Variants in KCNT2 observed in about 807,000 individuals in gnomAD.
KCNT2 encodes the protein potassium channel subfamily T member 2.
KCNT2 carries 67 observed loss-of-function variants against 153.8 expected under a neutral mutation model. The observed-to-expected ratio is 0.44, with a 90% CI of 0.36 to 0.53. The LOEUF (loss-of-function observed/expected upper bound fraction) is 0.53. KCNT2 is among the 20% of genes least tolerant of loss of function. KCNT2 has a pLI of 0.00. For missense variants in KCNT2, 975 were observed against 1,354.8 expected, an observed-to-expected ratio of 0.72 and a Z score of 4.40; for synonymous variants, 500 against 458.8, an observed-to-expected ratio of 1.09 and a Z score of -1.15.
intron 19 of KCNT2, among the ~76,000 whole-genome samples, chr1:196,324,836 G>T (rs367557408): frequency 6.6e-6 from 1 of 151,986 alleles, no homozygotes; most frequent in East Asian, 1.9e-4. Flanking sequence ...GCCAGTCCTT[G>T]AACAATCACA....
At chr1:196,472,523 T>A (rs1290663957) in intron 5 of KCNT2, among the ~76,000 whole-genome samples, 1 of 152,176 alleles carries the variant, frequency 6.6e-6, no homozygotes, top group Non-Finnish European at 1.5e-5. Context: ...CAATATTGTA[T>A]CAATAGCTCG....
chr1:196,470,089 T>C (rs1181043760), intron 5 of KCNT2, among the ~76,000 whole-genome samples: 2 of 152,174 alleles, frequency 1.3e-5, no homozygotes, highest in African/African-American at 2.4e-5. Flanking sequence ...GTGAGCATAG[T>C]TTATCACCCT....
intron 8 of KCNT2, among the ~76,000 whole-genome samples, chr1:196,448,353 T>TA (rs1443381989): frequency 1.3e-5 from 2 of 151,690 alleles, no homozygotes; most frequent in East Asian, 2.0e-4. Context: ...AAAATTTTTA[T>TA]AAAAAATATA....
chr1:196,263,053 C>A (rs1657169455), intron 25 of KCNT2, among the ~76,000 whole-genome samples: 1 of 151,970 alleles, frequency 6.6e-6, no homozygotes. Flanking sequence ...ATTTTTAAAG[C>A]CAATAATTTG....
At chr1:196,375,245 G>A (rs886533688) in intron 13 of KCNT2, among the ~76,000 whole-genome samples, 4 of 80,934 alleles carry the variant, frequency 4.9e-5, no homozygotes, top group Admixed American at 1.0e-4. Context: ...CCTACATTTC[G>A]ATAGTCATTT....
chr1:196,406,567 C>G (rs1053103963), intron 12 of KCNT2, among the ~76,000 whole-genome samples: 1 of 147,418 alleles, frequency 6.8e-6, no homozygotes, highest in African/African-American at 2.5e-5. Flanking sequence ...GTGGCCTAGT[C>G]TTCATGAACA....
intron 1 of KCNT2, among the ~76,000 whole-genome samples, chr1:196,520,861 G>A (rs969024529): frequency 3.3e-5 from 5 of 152,216 alleles, no homozygotes; most frequent in African/African-American, 9.6e-5. Context: ...GACAACCTAG[G>A]TAATACCATT....
intron 1 of KCNT2, among the ~76,000 whole-genome samples, chr1:196,562,668 TG>T (rs1659569567): frequency 6.6e-6 from 1 of 151,636 alleles, no homozygotes; most frequent in African/African-American, 2.4e-5. Flanking sequence ...TCGTTGATTT[TG>T]AATTGATTAC....
At chr1:196,502,419 A>G (rs1246865261) in intron 1 of KCNT2, among the ~76,000 whole-genome samples, 4 of 152,182 alleles carry the variant, frequency 2.6e-5, no homozygotes, top group Admixed American at 2.6e-4. Context: ...TGGAAAGGGA[A>G]CTGAGCTACT....
intron 1 of KCNT2, among the ~76,000 whole-genome samples, chr1:196,585,289 TCAAA>T (rs553705706): frequency 2.0e-3 from 297 of 152,232 alleles, no homozygotes; most frequent in South Asian, 0.014. Context: ...CTGTTCTGTG[TCAAA>T]CACTTTACAC....
chr1:196,348,429 A>G (rs1435030190), intron 14 of KCNT2, among the ~76,000 whole-genome samples: 1 of 152,174 alleles, frequency 6.6e-6, no homozygotes, highest in Non-Finnish European at 1.5e-5. Context: ...AGGAGAAATA[A>G]GAGGCTTGTG....
At chr1:196,352,547 T>C (rs1039912206) in intron 14 of KCNT2, among the ~76,000 whole-genome samples, 8 of 152,200 alleles carry the variant, frequency 5.3e-5, no homozygotes, top group Admixed American at 6.5e-5. Flanking sequence ...GGATCAGTGG[T>C]GATATTCCCT....
intron 21 of KCNT2, among the ~76,000 whole-genome samples, chr1:196,308,419 T>C (rs949430430): frequency 1.3e-4 from 20 of 152,018 alleles, no homozygotes; most frequent in African/African-American, 4.3e-4. Flanking sequence ...AGGACAAGTC[T>C]TGTGGTTGTC....
At position 196,382,441 on chromosome 1, in the gene KCNT2, A is replaced by T. The variant is rs543045462; in HGVS notation, c.1295-9193T>A. Among the ~76,000 whole-genome samples, 376 of 152,216 alleles carry T rather than the reference A, an allele frequency of 2.5e-3. 3 individuals are homozygous for T. Among genetic ancestry groups the T allele is most frequent in the Non-Finnish European group, 4.1e-3 (278 of 68,016 alleles). Reference sequence around the variant, plus strand: ...AAATATTTTAAAGATAATTAAGAAAAGTTGTTTGAAAGGTGAAGAAAGTAT... The same window carrying T: ...AAATATTTTAAAGATAATTAAGAAATGTTGTTTGAAAGGTGAAGAAAGTAT... On this transcript the variant is annotated intron_variant, in intron 13 of 27. Coordinates refer to ENST00000294725, the MANE Select transcript of KCNT2 (RefSeq NM_198503.5).
intron 26 of KCNT2, among the ~76,000 whole-genome samples, chr1:196,255,540 A>G (rs1203659177): frequency 6.6e-6 from 1 of 152,000 alleles, no homozygotes; most frequent in South Asian, 2.1e-4. Flanking sequence ...TTTCAGATTT[A>G]GAAAATATTA....
At position 196,383,182 on chromosome 1, in the gene KCNT2, A is replaced by G. The variant is rs551313322; in HGVS notation, c.1295-9934T>C. Among the ~76,000 whole-genome samples the G allele has an allele frequency of 2.6e-5, 4 of 152,250 alleles. No individual in the cohort carries two copies. The East Asian group carries it at 7.7e-4, about 29-fold the overall frequency. On this transcript the variant is annotated intron_variant, in intron 13 of 27. Transcript: ENST00000294725. ...ATGGTTCTCAAGCTATTTGTGATGA[A>G]GGGCCAGTTTTCTTTTTCTTTTTAA...
At chr1:196,483,758 T>C (rs1466349352) in intron 3 of KCNT2, among the ~76,000 whole-genome samples, 1 of 152,176 alleles carries the variant, frequency 6.6e-6, no homozygotes, top group Non-Finnish European at 1.5e-5. Context: ...TATTTATTTG[T>C]ATATGTGTTT....
At chr1:196,437,016 A>G (rs1674723536) in intron 8 of KCNT2, among the ~76,000 whole-genome samples, 1 of 106,338 alleles carries the variant, frequency 9.4e-6, no homozygotes, top group Non-Finnish European at 2.0e-5. Context: ...ATATACATAT[A>G]TTTATATACA....
intron 22 of KCNT2, among the ~76,000 whole-genome samples, chr1:196,299,172 ATTG>A (rs1660950002): frequency 1.3e-5 from 2 of 151,932 alleles, no homozygotes; most frequent in African/African-American, 2.4e-5. Context: ...TTTTTTTTCT[ATTG>A]TTGTTTTCTT....
Sources: gnomAD v4.1 joint callset for allele counts (sites outside exome capture counted in the v4.1 genomes callset) on GRCh38, gnomAD v4.1.1 for gene constraint, MANE v1.5 for transcripts, NCBI Gene and HGNC (gene_info 2026-07-23, HGNC 2026-07-21) for gene names.